The following GALNTL6 variants were observed in gnomAD, a reference collection of about 807,000 sequenced individuals.
The protein encoded by GALNTL6 is polypeptide N-acetylgalactosaminyltransferase-like 6.
GALNTL6 carries 46 observed loss-of-function variants against 73.7 expected under a neutral mutation model. That is an observed-to-expected ratio of 0.62 (90% confidence interval 0.49 to 0.80). The LOEUF (loss-of-function observed/expected upper bound fraction) is 0.80. Among genes scored for constraint, GALNTL6 ranks in the 30% least tolerant of loss-of-function variants. The pLI is 0.00. For synonymous variants in GALNTL6, 259 were observed against 263.7 expected, an observed-to-expected ratio of 0.98 and a Z score of 0.17; for missense variants, 604 against 755.0, an observed-to-expected ratio of 0.80 and a Z score of 2.34.
At chr4:172,910,481 C>T (rs1747141319) in intron 8 of GALNTL6, among the ~76,000 whole-genome samples, 1 of 152,204 alleles carries the variant, frequency 6.6e-6, no homozygotes, top group Non-Finnish European at 1.5e-5. Flanking sequence ...ACATTAAACC[C>T]AATACCTGGC....
Position 172,068,349 on chromosome 4 carries a change from T to G in GALNTL6, c.139-161307T>G, listed in dbSNP as rs762365288. Among the ~76,000 whole-genome samples, 4 of 110,400 alleles carry G rather than the reference T, an allele frequency of 3.6e-5. 2 individuals carry two copies. The highest frequency in any genetic ancestry group is 6.8e-5 in the African/African-American group (2 of 29,252). 72.4% of individuals were successfully genotyped at this position (110,400 alleles called of 152,430 possible). A position where few individuals can be genotyped will look rare whatever the true frequency, so the allele number is the denominator to read the frequency against. On this transcript the variant is annotated intron_variant, in intron 2 of 12. Coordinates refer to ENST00000506823, the MANE Select transcript of GALNTL6 (RefSeq NM_001034845.3). The stretch of plus-strand genomic sequence containing the variant: ...CAAACATACTCTATCAGTCTCAGAA[T>G]GAAATCTAGGCACCATGCTTGCTGC...
intron 5 of GALNTL6, among the ~76,000 whole-genome samples, chr4:172,454,743 C>T (rs1440806320): frequency 6.6e-6 from 1 of 152,218 alleles, no homozygotes; most frequent in Non-Finnish European, 1.5e-5. Flanking sequence ...CCTGGATGCT[C>T]AGGTTAGTTC....
At chr4:172,958,781 G>A (rs1444610479) in intron 10 of GALNTL6, among the ~76,000 whole-genome samples, 1 of 152,186 alleles carries the variant, frequency 6.6e-6, no homozygotes, top group African/African-American at 2.4e-5. Flanking sequence ...ATGGATGTCA[G>A]GGTCAGTCTA....
At chr4:172,238,471 A>G (rs1005611236) in intron 3 of GALNTL6, among the ~76,000 whole-genome samples, 2 of 152,186 alleles carry the variant, frequency 1.3e-5, no homozygotes, top group Non-Finnish European at 2.9e-5. Flanking sequence ...ACATTGCTGA[A>G]GTTGTTTATA....
intron 2 of GALNTL6, among the ~76,000 whole-genome samples, chr4:172,210,923 A>G (rs1052761400): frequency 1.3e-5 from 2 of 152,168 alleles, no homozygotes; most frequent in Admixed American, 6.5e-5. Context: ...ATTACCAAAT[A>G]TTATTTTTTA....
chr4:172,976,765 G>A (rs1182301959), intron 10 of GALNTL6, among the ~76,000 whole-genome samples: 2 of 152,188 alleles, frequency 1.3e-5, no homozygotes, highest in East Asian at 3.8e-4. Flanking sequence ...AGAAAAGGCT[G>A]GATGCATGAA....
At chr4:172,806,739 G>A (rs887099637) in intron 5 of GALNTL6, among the ~76,000 whole-genome samples, 9 of 152,138 alleles carry the variant, frequency 5.9e-5, no homozygotes, top group African/African-American at 1.9e-4. Flanking sequence ...ATATTTTAGT[G>A]GGCCTAACAA....
chr4:172,481,837 T>C (rs1433538335), intron 5 of GALNTL6, among the ~76,000 whole-genome samples: 3 of 152,148 alleles, frequency 2.0e-5, no homozygotes, highest in African/African-American at 4.8e-5. Context: ...TAATGGATCC[T>C]GTTTCAGGGG....
intron 12 of GALNTL6, among the ~76,000 whole-genome samples, chr4:173,023,351 T>C (rs779733520): frequency 1.3e-5 from 2 of 152,046 alleles, no homozygotes; most frequent in Admixed American, 6.6e-5. Flanking sequence ...TGGCTGTGTC[T>C]AGCAAAATTA....
chr4:172,712,361 A>G (rs10002201), intron 5 of GALNTL6, among the ~76,000 whole-genome samples: 2 of 152,114 alleles, frequency 1.3e-5, no homozygotes, highest in Non-Finnish European at 2.9e-5. Flanking sequence ...TTACGTATGT[A>G]TACATGTGCC....
intron 11 of GALNTL6, among the ~76,000 whole-genome samples, chr4:173,015,541 G>A (rs763807780): frequency 1.3e-5 from 2 of 152,218 alleles, no homozygotes; most frequent in Non-Finnish European, 2.9e-5. Context: ...TGAAGAACTT[G>A]TTGGGAACTG....
chr4:171,877,756 T>C (rs1475296674), intron 2 of GALNTL6, among the ~76,000 whole-genome samples: 1 of 152,228 alleles, frequency 6.6e-6, no homozygotes, highest in Admixed American at 6.5e-5. Context: ...TTCTTTATTA[T>C]AGAAAACAAA....
chr4:171,965,089 T>C (rs1739348072), intron 2 of GALNTL6, among the ~76,000 whole-genome samples: 1 of 152,242 alleles, frequency 6.6e-6, no homozygotes, highest in African/African-American at 2.4e-5. Context: ...CAGTTACCAT[T>C]CTGCCTTAGA....
At chr4:172,674,165 A>G (rs1263030985) in intron 5 of GALNTL6, among the ~76,000 whole-genome samples, 1 of 152,134 alleles carries the variant, frequency 6.6e-6, no homozygotes, top group East Asian at 1.9e-4. Flanking sequence ...TCCCGTGGTG[A>G]CAATTTCCCT....
intron 5 of GALNTL6, among the ~76,000 whole-genome samples, chr4:172,601,369 A>G (rs1477293825): frequency 6.6e-6 from 1 of 152,096 alleles, no homozygotes; most frequent in Non-Finnish European, 1.5e-5. Flanking sequence ...AGTGGAAGGT[A>G]TTTGGGTAAT....
intron 5 of GALNTL6, among the ~76,000 whole-genome samples, chr4:172,555,958 G>C (rs1736126900): frequency 6.6e-6 from 1 of 152,088 alleles, no homozygotes; most frequent in Non-Finnish European, 1.5e-5. Context: ...ACGTGGGTGA[G>C]TTAATGTTGC....
intron 7 of GALNTL6, among the ~76,000 whole-genome samples, chr4:172,835,333 C>A (rs1047150581): frequency 1.3e-5 from 2 of 152,184 alleles, no homozygotes; most frequent in African/African-American, 4.8e-5. Context: ...AGGGAGACCT[C>A]GAAGGATGAG....
rs533119186 is a variant in GALNTL6, at chr4:172,914,524, G to A, written c.1042-16637G>A. Among the ~76,000 whole-genome samples, 157 of 152,210 alleles carry A rather than the reference G, an allele frequency of 1.0e-3. 1 individual carries two copies. Among genetic ancestry groups the A allele is most frequent in the African/African-American group, 3.7e-3 (153 of 41,554 alleles). ...AACCCATCTCACATGCAGAGACATA[G>A]ATAAGCTCAAAATAAAGGGATGGAG... On this transcript the variant is annotated intron_variant, in intron 8 of 12. Coordinates refer to ENST00000506823, the MANE Select transcript of GALNTL6 (RefSeq NM_001034845.3).
At chr4:171,855,131 T>C (rs1441425577) in intron 2 of GALNTL6, among the ~76,000 whole-genome samples, 3 of 152,352 alleles carry the variant, frequency 2.0e-5, no homozygotes, top group African/African-American at 7.2e-5. Context: ...TATTAACTAA[T>C]GTGCATAGAT....
Sources: gnomAD v4.1 joint callset for allele counts (sites outside exome capture counted in the v4.1 genomes callset) on GRCh38, gnomAD v4.1.1 for gene constraint, MANE v1.5 for transcripts, NCBI Gene and HGNC (gene_info 2026-07-23, HGNC 2026-07-21) for gene names.